The following UBE2D3 variants were observed in gnomAD, a reference collection of about 807,000 sequenced individuals.
The protein encoded by UBE2D3 is ubiquitin conjugating enzyme E2 D3.
A neutral mutation model predicts 22.8 loss-of-function variants in UBE2D3; 2 were observed. The observed-to-expected ratio is 0.09, with a 90% CI of 0.04 to 0.28. The LOEUF (loss-of-function observed/expected upper bound fraction) is 0.28. UBE2D3 is among the 10% of genes least tolerant of loss of function. The pLI is 1.00. For synonymous variants in UBE2D3, 56 were observed against 60.4 expected (o/e 0.93, Z 0.34); for missense variants, 27 against 182.5 (o/e 0.15, Z 4.91).
At chr4:102,867,722 C>T (rs1248718055) in intron 1 of UBE2D3, among the ~76,000 whole-genome samples, 1 of 152,092 alleles carries the variant, frequency 6.6e-6, no homozygotes, top group African/African-American at 2.4e-5. Flanking sequence ...TCCCTTAAGC[C>T]GGAGTTAGAG....
Position 102,799,590 on chromosome 4 carries a change from A to G in UBE2D3, c.305-90T>C, listed in dbSNP as rs1007313091. 8.9e-6 allele frequency: 8 copies of G among 897,286 alleles called. No individual in the cohort carries two copies. The African/African-American group carries it at 1.4e-4, about 15-fold the overall frequency. The allele number at this position is 897,286 out of a possible 1,614,324, so 55.6% of individuals were successfully genotyped here. A position where few individuals can be genotyped will look rare whatever the true frequency, so the allele number is the denominator to read the frequency against. On this transcript the variant is annotated intron_variant, in intron 6 of 7. Transcript: ENST00000453744. ...CCGTGTATTACAAAACTCAATCCTCAAAAGACTTTTATTAGTTTGTATCTT... is the reference window on the plus strand; with the variant it reads ...CCGTGTATTACAAAACTCAATCCTCGAAAGACTTTTATTAGTTTGTATCTT...
intron 2 of UBE2D3, among the ~76,000 whole-genome samples, chr4:102,826,217 G>T (rs1355050917): frequency 6.6e-6 from 1 of 152,010 alleles, no homozygotes; most frequent in Non-Finnish European, 1.5e-5. Context: ...AATAATAAAG[G>T]CGCCTTAAGT....
intron 2 of UBE2D3, among the ~76,000 whole-genome samples, chr4:102,820,677 T>C (rs985227873): frequency 1.3e-5 from 2 of 152,164 alleles, no homozygotes; most frequent in Non-Finnish European, 2.9e-5. Context: ...AATTTAGATT[T>C]GAAGCTCTGC....
rs573434758 is a variant in UBE2D3 at position 102,864,091 on chromosome 4, CTGTTT to C, written c.-129+4619_-129+4623del. Among the ~76,000 whole-genome samples, 11 of 152,202 alleles carry C rather than the reference CTGTTT, an allele frequency of 7.2e-5. No individual in the cohort carries two copies. The South Asian group carries it at 2.3e-3, about 32-fold the overall frequency. On this transcript the variant is annotated intron_variant, in intron 1 of 7. Coordinates refer to the UBE2D3 transcript ENST00000338145. Reference sequence around the variant, plus strand: ...ACTATGCATGTATATGTGCCAGGTACTGTTTTAATTGCTATCTATGTCTTAATTCA... The same window carrying C: ...ACTATGCATGTATATGTGCCAGGTACTAATTGCTATCTATGTCTTAATTCA...
intron 1 of UBE2D3, among the ~76,000 whole-genome samples, chr4:102,868,280 G>A (rs1022944191): frequency 6.7e-6 from 1 of 150,276 alleles, no homozygotes; most frequent in African/African-American, 2.5e-5. Context: ...ATCTTGACCT[G>A]GCTGGCCTCG....
chr4:102,827,772 CGGGGGAGGGAGGAGGATCATGAGCTG>C (rs1225710192), upstream of UBE2D3: 25 of 948,038 alleles, frequency 2.6e-5, no homozygotes, highest in Non-Finnish European at 3.1e-5. Flanking sequence ...ACCAGGAGGG[CGGGGGAGGGAGGAGGATCATGAGCTG>C]GGGGGAGGGT....
At position 102,811,489 on chromosome 4, in the gene UBE2D3, G is replaced by A. The variant is rs182831093; in HGVS notation, c.25-1634C>T. The A allele has an allele frequency of 1.4e-3, 277 of 196,802 alleles. 1 individual carries two copies. Among genetic ancestry groups the A allele is most frequent in the Middle Eastern group, 0.013 (6 of 466 alleles). 12.2% of individuals were successfully genotyped at this position (196,802 alleles called of 1,614,324 possible). ...CTAAGGTCAGGAGTTCAAGACCAGT[G>A]CTGCTAACATGGTAAAACCCCATCT... On this transcript the variant is annotated intron_variant, in intron 2 of 7. Transcript: ENST00000453744.
intron 4 of UBE2D3, chr4:102,809,113 G>A (rs1727538303): frequency 3.7e-6 from 1 of 271,512 alleles, no homozygotes; most frequent in South Asian, 3.1e-5. Flanking sequence ...TTCTTAGATG[G>A]TATCCATAAT....
intron 4 of UBE2D3, among the ~76,000 whole-genome samples, chr4:102,807,211 C>G (rs1376185590): frequency 6.6e-6 from 1 of 152,158 alleles, no homozygotes; most frequent in African/African-American, 2.4e-5. Context: ...TGCTTTAGGT[C>G]ACAACTGCTT....
At chr4:102,833,903 C>G (rs1232055893) in intron 1 of UBE2D3, among the ~76,000 whole-genome samples, 1 of 152,148 alleles carries the variant, frequency 6.6e-6, no homozygotes, top group Admixed American at 6.5e-5. Flanking sequence ...GGAGGACCGA[C>G]CTACCCCTCT....
intron 1 of UBE2D3, among the ~76,000 whole-genome samples, chr4:102,866,431 A>AT (rs1733147672): frequency 6.6e-6 from 1 of 152,116 alleles, no homozygotes; most frequent in African/African-American, 2.4e-5. Context: ...AATAGTAGTA[A>AT]TGGTGGTGGA....
At position 102,835,013 on chromosome 4, in the gene UBE2D3, T is replaced by C. The variant is rs1731314675; in HGVS notation, c.-128-8377A>G. On this transcript the variant is annotated intron_variant, in intron 1 of 7. Coordinates refer to the UBE2D3 transcript ENST00000338145. ...ATCTCCAATCCCCACTCTCTCAGGA[T>C]ACCCTGATGGCTCTGTGGGTATCCT... Among the ~76,000 whole-genome samples the C allele has an allele frequency of 4.6e-5, 7 of 152,282 alleles. No individual in the cohort carries two copies. The South Asian group carries it at 1.4e-3, about 32-fold the overall frequency.
At position 102,827,419 on chromosome 4, in the gene UBE2D3, A is replaced by G; in HGVS notation, c.-129+8T>C. The G allele has an allele frequency of 1.0e-6, 1 of 985,534 alleles. No individual in the cohort carries two copies. The highest frequency in any genetic ancestry group is 1.2e-6 in the Non-Finnish European group (1 of 829,970). 61.0% of individuals were successfully genotyped at this position (985,534 alleles called of 1,614,324 possible). The stretch of plus-strand genomic sequence containing the variant: ...TTCCCTGCCCTAGCCGTCCACACCC[A>G]CGCGTACAGAGGGGCCGGGGCCTCC... On this transcript the variant is annotated splice_region_variant and intron_variant, in intron 1 of 7. Transcript: ENST00000453744.
intron 1 of UBE2D3, among the ~76,000 whole-genome samples, chr4:102,838,807 C>CAAAAAAAAAAAAA (rs145975514): frequency 1.8e-5 from 1 of 54,310 alleles, no homozygotes; most frequent in Non-Finnish European, 3.5e-5. Context: ...CTGTGCTGGG[C>CAAAAAAAAAAAAA]AAAAAAAAAA....
intron 1 of UBE2D3, among the ~76,000 whole-genome samples, chr4:102,841,231 T>C (rs1383693951): frequency 6.6e-6 from 1 of 152,030 alleles, no homozygotes; most frequent in East Asian, 1.9e-4. Flanking sequence ...GAACATAAAG[T>C]TTTATGTAGG....
upstream of UBE2D3, among the ~76,000 whole-genome samples, chr4:102,829,343 T>C (rs1431868076): frequency 6.6e-6 from 1 of 152,172 alleles, no homozygotes; most frequent in Non-Finnish European, 1.5e-5. Flanking sequence ...CCCTCCTCCC[T>C]GAATAATCTG....
At chr4:102,802,440 T>C (rs1578223363) in intron 5 of UBE2D3, 121 bp downstream of exon 5, 13 of 705,696 alleles carry the variant, frequency 1.8e-5, no homozygotes, top group Admixed American at 5.8e-5. Context: ...TCAGCATCTA[T>C]ACATGAGTGC....
chr4:102,803,376 A>T (rs866034971), intron 4 of UBE2D3, among the ~76,000 whole-genome samples: 14 of 152,208 alleles, frequency 9.2e-5, no homozygotes, highest in African/African-American at 3.1e-4. Context: ...TACAACTTAC[A>T]TGAACTGGGT....
intron 2 of UBE2D3, among the ~76,000 whole-genome samples, chr4:102,823,503 C>A (rs557528536): frequency 2.3e-4 from 35 of 152,252 alleles, no homozygotes; most frequent in African/African-American, 7.9e-4. Context: ...AAAACCCTTA[C>A]GAAAACTTAA....
Sources: allele counts gnomAD v4.1 joint callset (sites outside exome capture counted in the v4.1 genomes callset), GRCh38; gene constraint gnomAD v4.1.1; transcripts MANE v1.5; gene names NCBI Gene and HGNC (gene_info 2026-07-23, HGNC 2026-07-21).